Variants in PCDH15 observed in about 807,000 individuals in gnomAD.
PCDH15 encodes protocadherin related 15, also known as protocadherin-15.
PCDH15 carries 129 observed loss-of-function variants against 178.5 expected under a neutral mutation model. The ratio of observed to expected loss-of-function variants is 0.72; its 90% CI spans 0.63 to 0.84. PCDH15 has a LOEUF of 0.84. Ranked by LOEUF, PCDH15 falls within the 40% of genes least tolerant of loss-of-function variation. The pLI is 0.00. For synonymous variants in PCDH15, 800 were observed against 732.0 expected (o/e 1.09, Z -1.50); for missense variants, 2,230 against 2,099.9 (o/e 1.06, Z -1.21).
intron 3 of PCDH15, among the ~76,000 whole-genome samples, chr10:54,885,758 T>G (rs1448692703): frequency 2.0e-5 from 3 of 152,152 alleles, no homozygotes; most frequent in African/African-American, 7.2e-5. Context: ...AGCTTGACAG[T>G]AGGGTTCTAT....
At chr10:55,466,464 T>C (rs145405182) in intron 2 of PCDH15, among the ~76,000 whole-genome samples, 1 of 152,290 alleles carries the variant, frequency 6.6e-6, no homozygotes, top group African/African-American at 2.4e-5. Flanking sequence ...ATTAAACACT[T>C]TCAGCGCCTA....
chr10:55,338,643 T>G (rs750963432), intron 2 of PCDH15, among the ~76,000 whole-genome samples: 7 of 151,912 alleles, frequency 4.6e-5, no homozygotes, highest in Non-Finnish European at 1.0e-4. Context: ...TGGGGTGCAC[T>G]TGTAATCCCT....
At chr10:54,732,626 A>G (rs1226549190) in intron 1 of PCDH15, among the ~76,000 whole-genome samples, 2 of 151,586 alleles carry the variant, frequency 1.3e-5, no homozygotes, top group Non-Finnish European at 3.0e-5. Context: ...AGGAATTTTA[A>G]CAATTCTGAA....
chr10:55,616,396 A>C (rs1003055411), intron 2 of PCDH15, among the ~76,000 whole-genome samples: 1 of 152,188 alleles, frequency 6.6e-6, no homozygotes, highest in African/African-American at 2.4e-5. Context: ...TGTTTTATTT[A>C]AATAAAAAGG....
At chr10:54,649,341 C>T (rs929142781) in intron 2 of PCDH15, among the ~76,000 whole-genome samples, 3 of 150,338 alleles carry the variant, frequency 2.0e-5, no homozygotes, top group Non-Finnish European at 4.4e-5. Context: ...AAATACTCAA[C>T]ATAAAGCGTA....
chr10:54,341,288 G>A (rs895326384), intron 6 of PCDH15, among the ~76,000 whole-genome samples: 1 of 152,032 alleles, frequency 6.6e-6, no homozygotes, highest in Non-Finnish European at 1.5e-5. Context: ...CTGGTTTATG[G>A]GGGCAGTTTC....
chr10:55,594,718 C>T (rs190023926), intron 2 of PCDH15, among the ~76,000 whole-genome samples: 5 of 152,058 alleles, frequency 3.3e-5, no homozygotes, highest in African/African-American at 9.6e-5. Flanking sequence ...ATCATAATTG[C>T]TAATGTGTTT....
intron 3 of PCDH15, among the ~76,000 whole-genome samples, chr10:54,391,038 TTC>T (rs1162654593): frequency 5.9e-5 from 9 of 152,182 alleles, no homozygotes; most frequent in African/African-American, 1.9e-4. Context: ...CCTGATGACC[TTC>T]TGTTTCCCCA....
chr10:55,347,915 C>A (rs1425217864), intron 2 of PCDH15, among the ~76,000 whole-genome samples: 2 of 151,880 alleles, frequency 1.3e-5, no homozygotes, highest in African/African-American at 2.4e-5. Flanking sequence ...AAAACTTGAA[C>A]CTTTTATTTA....
chr10:54,642,663 A>C (rs1222458039), intron 2 of PCDH15, among the ~76,000 whole-genome samples: 3 of 152,224 alleles, frequency 2.0e-5, no homozygotes, highest in Non-Finnish European at 4.4e-5. Flanking sequence ...CATTATGACT[A>C]TTCCATACCC....
chr10:55,074,280 A>T (rs1841825900), intron 2 of PCDH15, among the ~76,000 whole-genome samples: 2 of 152,120 alleles, frequency 1.3e-5, no homozygotes, highest in Admixed American at 6.5e-5. Context: ...TCTTTGAGGA[A>T]TTGCTACAGT....
At chr10:54,609,674 C>T (rs1297496288) in intron 2 of PCDH15, among the ~76,000 whole-genome samples, 3 of 151,932 alleles carry the variant, frequency 2.0e-5, no homozygotes, top group African/African-American at 7.2e-5. Flanking sequence ...AATATACTGC[C>T]ACTGTGGTTG....
At chr10:55,304,413 A>T (rs1295561662) in intron 1 of PCDH15, among the ~76,000 whole-genome samples, 1 of 152,190 alleles carries the variant, frequency 6.6e-6, no homozygotes, top group Non-Finnish European at 1.5e-5. Context: ...GTTCCTAGCC[A>T]GTCTGCCTTC....
intron 13 of PCDH15, among the ~76,000 whole-genome samples, chr10:54,171,561 G>A (rs1369747667): frequency 1.3e-5 from 2 of 151,846 alleles, no homozygotes; most frequent in Non-Finnish European, 2.9e-5. Context: ...CCCTGCTCTT[G>A]TTTACACTGC....
chr10:54,700,636 T>A (rs2095297382), intron 1 of PCDH15, among the ~76,000 whole-genome samples: 1 of 152,212 alleles, frequency 6.6e-6, no homozygotes, highest in Non-Finnish European at 1.5e-5. Flanking sequence ...AGTCTGGTAC[T>A]ACAAATTAAT....
intron 15 of PCDH15, among the ~76,000 whole-genome samples, chr10:54,115,520 G>A (rs1440976605): frequency 1.3e-5 from 2 of 152,170 alleles, no homozygotes; most frequent in African/African-American, 4.8e-5. Flanking sequence ...GAAAGCCCAA[G>A]GTCAAGCAGC....
intron 10 of PCDH15, among the ~76,000 whole-genome samples, chr10:54,207,183 A>G (rs10763085): frequency 0.91 from 137,544 of 151,882 alleles, 62,482 homozygotes; most frequent in East Asian, 0.98. Context: ...CTGTTCTAAC[A>G]CTGCTGCATG....
At chr10:53,909,638 A>G (rs967497744) in intron 25 of PCDH15, among the ~76,000 whole-genome samples, 1 of 152,172 alleles carries the variant, frequency 6.6e-6, no homozygotes, top group Non-Finnish European at 1.5e-5. Context: ...TACCTAATTC[A>G]TCTCACTGGG....
intron 21 of PCDH15, among the ~76,000 whole-genome samples, chr10:53,982,743 C>T (rs1376382107): frequency 6.6e-6 from 1 of 151,236 alleles, no homozygotes; most frequent in Non-Finnish European, 1.5e-5. Context: ...ATGGGTGCAG[C>T]ACACCAGCAT....
Sources: gnomAD v4.1 joint callset for allele counts (sites outside exome capture counted in the v4.1 genomes callset) on GRCh38, gnomAD v4.1.1 for gene constraint, MANE v1.5 for transcripts, NCBI Gene and HGNC (gene_info 2026-07-23, HGNC 2026-07-21) for gene names.